The following CTNNA1 variants were observed in gnomAD, a reference collection of about 807,000 sequenced individuals.
CTNNA1 encodes the protein catenin alpha 1.
Under a neutral mutation model 98.4 loss-of-function variants are expected in CTNNA1, and 37 were observed. That is an observed-to-expected ratio of 0.38 (90% CI 0.29 to 0.49). The LOEUF is 0.49. CTNNA1 is among the 20% of genes least tolerant of loss of function. The pLI, the probability that CTNNA1 is intolerant of heterozygous loss-of-function variation, is 0.95. For synonymous variants in CTNNA1, 404 were observed against 413.2 expected, an observed-to-expected ratio of 0.98 and a Z score of 0.27; for missense variants, 761 against 1,147.2, an observed-to-expected ratio of 0.66 and a Z score of 4.86.
At position 138,825,482 on chromosome 5, in the gene CTNNA1, G is replaced by GTTTTTTTTTTTTTTTTTTTTTTTTTTTT. The variant is rs756586452; in HGVS notation, c.858+699_858+700insTTTTTTTTTTTTTTTTTTTTTTTTTTTT. 8.1e-5 allele frequency among the ~76,000 whole-genome samples: 6 copies of GTTTTTTTTTTTTTTTTTTTTTTTTTTTT among 74,116 alleles called. 1 individual carries two copies. Among genetic ancestry groups the GTTTTTTTTTTTTTTTTTTTTTTTTTTTT allele is most frequent in the African/African-American group, 2.3e-4 (4 of 17,296 alleles). 48.6% of individuals were successfully genotyped at this position (74,116 alleles called of 152,430 possible). On this transcript the variant is annotated intron_variant, in intron 6 of 17. Transcript: ENST00000302763. ...CTTCCAGTAGATGGCAGCAGTATAA[G>GTTTTTTTTTTTTTTTTTTTTTTTTTTTT]TTTTTTTTTTTTTTTTAGGGCTTTA...
chr5:138,864,248 G>A (rs2149892708), intron 7 of CTNNA1, among the ~76,000 whole-genome samples: 1 of 152,214 alleles, frequency 6.6e-6, no homozygotes, highest in South Asian at 2.1e-4. Flanking sequence ...CACTGCACCT[G>A]GCCTTTTCTT....
At chr5:138,807,683 TTATA>T (rs1758237436) in intron 3 of CTNNA1, among the ~76,000 whole-genome samples, 1 of 152,100 alleles carries the variant, frequency 6.6e-6, no homozygotes. Context: ...GTTCTGCTTA[TTATA>T]TAGGGTCAAC....
intron 7 of CTNNA1, among the ~76,000 whole-genome samples, chr5:138,844,100 C>G (rs1247181179): frequency 2.1e-5 from 3 of 141,082 alleles, no homozygotes; most frequent in African/African-American, 5.3e-5. Context: ...TTGTGGAAAG[C>G]AAAGGAATAA....
chr5:138,834,142 T>G (rs182249062), intron 7 of CTNNA1, among the ~76,000 whole-genome samples: 1 of 152,328 alleles, frequency 6.6e-6, no homozygotes, highest in Non-Finnish European at 1.5e-5. Flanking sequence ...GCAAATGCCT[T>G]CCTGGAATCT....
At position 138,753,503 on chromosome 5, in the gene CTNNA1, A is replaced by C; in HGVS notation, c.-10A>C. 2.7e-6 allele frequency: 1 copy of C among 376,052 alleles called. No homozygotes were observed. The highest frequency in any genetic ancestry group is 3.8e-5 in the East Asian group (1 of 26,418). 23.3% of individuals were successfully genotyped at this position (376,052 alleles called of 1,614,324 possible). A position where few individuals can be genotyped will look rare whatever the true frequency, so the allele number is the denominator to read the frequency against. ...TCTGGAATTTAGCGCTCGCCCAGCT[A>C]GCCGCAGGTAACTTCGTACCTCCCT... On this transcript the variant is annotated 5_prime_UTR_variant, in exon 1 of 18. Coordinates refer to ENST00000302763, the MANE Select transcript of CTNNA1 (RefSeq NM_001903.5).
At chr5:138,932,092 T>G in intron 16 of CTNNA1, 1 of 978,518 alleles carries the variant, frequency 1.0e-6, no homozygotes, top group Non-Finnish European at 1.2e-6. Flanking sequence ...AGTGAGTGGC[T>G]TTTGTCATCA....
At chr5:138,847,704 GC>G (rs1762853061) in intron 7 of CTNNA1, among the ~76,000 whole-genome samples, 1 of 152,010 alleles carries the variant, frequency 6.6e-6, no homozygotes, top group South Asian at 2.1e-4. Context: ...TGGGGGAGGG[GC>G]ATTTCTCTCT....
intron 3 of CTNNA1, among the ~76,000 whole-genome samples, chr5:138,785,526 C>CA (rs11369525): frequency 1 from 152,278 of 152,278 alleles, 76,139 homozygotes; most frequent in Non-Finnish European, 1. Flanking sequence ...TGAGTTTGGG[C>CA]AGTGTTTGCT....
chr5:138,924,714 C>T lies in CTNNA1; in HGVS notation c.1747+4C>T, dbSNP rs372815392. On this transcript the variant is annotated splice_donor_region_variant and intron_variant, in intron 12 of 17. Transcript: ENST00000302763. ...ACTAAGCTGCTCTCCAACACAGGTA[C>T]GGGAACTCTCCCTTTCCAGTGCTCG... 1.4e-5 allele frequency: 22 copies of T among 1,560,860 alleles called. No individual in the cohort carries two copies. The highest frequency in any genetic ancestry group is 9.4e-5 in the South Asian group (8 of 84,944).
intron 1 of CTNNA1, chr5:138,761,933 T>G (rs1752423893): frequency 6.6e-6 from 1 of 152,200 alleles, no homozygotes. Context: ...TTTTTGTGTT[T>G]TCTGTAGAGA....
chr5:138,822,079 T>G (rs1486192148), intron 5 of CTNNA1, among the ~76,000 whole-genome samples: 1 of 152,182 alleles, frequency 6.6e-6, no homozygotes, highest in African/African-American at 2.4e-5. Flanking sequence ...CATCATAGAT[T>G]AAAATATATC....
At chr5:138,818,168 C>T (rs1325889083) in intron 5 of CTNNA1, among the ~76,000 whole-genome samples, 2 of 142,436 alleles carry the variant, frequency 1.4e-5, no homozygotes, top group Non-Finnish European at 1.5e-5. Context: ...CTTGCTCTGT[C>T]GCCCAGGCCA....
intron 7 of CTNNA1, among the ~76,000 whole-genome samples, chr5:138,858,850 C>T (rs749582644): frequency 2.0e-5 from 3 of 152,204 alleles, no homozygotes; most frequent in Middle Eastern, 3.2e-3. Context: ...CCGCCTGCCT[C>T]GGCCTCCCAG....
At chr5:138,845,151 A>G (rs1302603403) in intron 7 of CTNNA1, among the ~76,000 whole-genome samples, 1 of 152,200 alleles carries the variant, frequency 6.6e-6, no homozygotes. Context: ...TTAGATTGGC[A>G]ACTTTCTTCT....
chr5:138,800,566 A>AG lies in CTNNA1; in HGVS notation c.302-9470dup, dbSNP rs541637363. Among the ~76,000 whole-genome samples, 84 of 152,234 alleles carry AG rather than the reference A, an allele frequency of 5.5e-4. 1 individual carries two copies. Among genetic ancestry groups the AG allele is most frequent in the African/African-American group, 2.0e-3 (84 of 41,524 alleles). ...TCCCAGCACTTTGGGAGGCCAAGGC[A>AG]GGCAGATCACCTGAGGTCAGGAGTT... On this transcript the variant is annotated intron_variant, in intron 3 of 17. Coordinates refer to ENST00000302763, the MANE Select transcript of CTNNA1 (RefSeq NM_001903.5).
At chr5:138,862,396 C>G (rs1210769843) in intron 7 of CTNNA1, among the ~76,000 whole-genome samples, 1 of 152,130 alleles carries the variant, frequency 6.6e-6, no homozygotes, top group East Asian at 1.9e-4. Flanking sequence ...TAATTCTCAG[C>G]CATGTATTTT....
At chr5:138,829,036 C>T (rs181585762) in intron 7 of CTNNA1, among the ~76,000 whole-genome samples, 1 of 152,174 alleles carries the variant, frequency 6.6e-6, no homozygotes, top group Non-Finnish European at 1.5e-5. Context: ...GCGGAAGAAT[C>T]GCTTAAGCCT....
chr5:138,883,400 G>A (rs1325471236), intron 7 of CTNNA1, among the ~76,000 whole-genome samples: 1 of 152,098 alleles, frequency 6.6e-6, no homozygotes, highest in Non-Finnish European at 1.5e-5. Context: ...TGATTAATGA[G>A]GCATAAACCT....
At chr5:138,924,900 A>G (rs1336108567) in intron 12 of CTNNA1, among the ~76,000 whole-genome samples, 190 bp downstream of exon 12, 1 of 152,202 alleles carries the variant, frequency 6.6e-6, no homozygotes, top group Non-Finnish European at 1.5e-5. Context: ...CTTCATCTGT[A>G]TCTCATGAGT....
Sources: gnomAD v4.1 joint callset for allele counts (sites outside exome capture counted in the v4.1 genomes callset) on GRCh38, gnomAD v4.1.1 for gene constraint, MANE v1.5 for transcripts, NCBI Gene and HGNC (gene_info 2026-07-23, HGNC 2026-07-21) for gene names.